The following ZDHHC5 variants were observed in gnomAD, a reference collection of about 807,000 sequenced individuals.
The protein encoded by ZDHHC5 is palmitoyltransferase ZDHHC5.
ZDHHC5 carries 22 observed loss-of-function variants against 70.0 expected under a neutral mutation model. The observed-to-expected ratio is 0.31, with a 90% CI of 0.22 to 0.45. The LOEUF is 0.45. Among genes scored for constraint, ZDHHC5 ranks in the 20% least tolerant of loss-of-function variants. The probability of loss-of-function intolerance (pLI) is 1.00; values close to 1 mark genes in which losing one functional copy is unlikely to be tolerated. For synonymous variants in ZDHHC5, 313 were observed against 347.8 expected (o/e 0.90, Z 1.11); for missense variants, 746 against 926.9 (o/e 0.80, Z 2.53).
At chr11:57,673,671 A>G (rs2135377698) in intron 2 of ZDHHC5, among the ~76,000 whole-genome samples, 1 of 152,278 alleles carries the variant, frequency 6.6e-6, no homozygotes, top group East Asian at 1.9e-4. Context: ...CCCAAGTTCA[A>G]GCGATTCTCC....
At chr11:57,698,099 C>T (rs1224191853) in intron 10 of ZDHHC5, among the ~76,000 whole-genome samples, 29 of 144,888 alleles carry the variant, frequency 2.0e-4, no homozygotes, top group Admixed American at 1.9e-3. Context: ...TGCACCATCA[C>T]GCTCCAGCCT....
chr11:57,678,221 T>TTGA (rs747205557), intron 2 of ZDHHC5, among the ~76,000 whole-genome samples: 7 of 152,150 alleles, frequency 4.6e-5, no homozygotes, highest in African/African-American at 7.2e-5. Flanking sequence ...GGTGGAATAA[T>TTGA]TGATGATGAT....
intron 6 of ZDHHC5, 131 bp downstream of exon 6, chr11:57,690,568 T>A (rs992650395): frequency 2.4e-5 from 24 of 983,324 alleles, no homozygotes; most frequent in Non-Finnish European, 3.4e-5. Flanking sequence ...TAGAGATTAA[T>A]GGTAGGGAGT....
chr11:57,685,519 C>T (rs1221270364), intron 3 of ZDHHC5, among the ~76,000 whole-genome samples: 3 of 151,490 alleles, frequency 2.0e-5, no homozygotes, highest in Non-Finnish European at 2.9e-5. Context: ...TGGTAGTGCA[C>T]GTGCCTGTAA....
chr11:57,668,316 G>T (rs1044540138), intron 1 of ZDHHC5, 129 bp downstream of exon 1: 3 of 238,058 alleles, frequency 1.3e-5, no homozygotes, highest in African/African-American at 6.8e-5. Context: ...TCTCCTCCGG[G>T]CCGGGTCTTC....
chr11:57,673,028 C>G lies in ZDHHC5; in HGVS notation c.-63C>G. 1 of 1,521,740 alleles carries G rather than the reference C, an allele frequency of 6.6e-7. No homozygotes were observed. The highest frequency in any genetic ancestry group is 9.1e-7 in the Non-Finnish European group (1 of 1,098,932). The allele number at this position is 1,521,740 out of a possible 1,614,324, so 94.3% of individuals were successfully genotyped here. ...TGCTTCCCTCCTCCCATTTTCTTGT[C>G]TGTTCTGCCGCTGTGTGGGCCTGGG... On this transcript the variant is annotated 5_prime_UTR_variant, in exon 2 of 12. Coordinates refer to ENST00000287169, the MANE Select transcript of ZDHHC5 (RefSeq NM_015457.3).
At chr11:57,675,417 A>G (rs1946059336) in intron 2 of ZDHHC5, among the ~76,000 whole-genome samples, 2 of 152,212 alleles carry the variant, frequency 1.3e-5, no homozygotes, top group African/African-American at 4.8e-5. Flanking sequence ...CTCAACTGAT[A>G]GTTGAAGCTG....
intron 2 of ZDHHC5, among the ~76,000 whole-genome samples, chr11:57,674,535 G>A (rs1946047110): frequency 1.3e-5 from 2 of 152,100 alleles, no homozygotes; most frequent in African/African-American, 4.8e-5. Flanking sequence ...GTGTTATTCA[G>A]AGCAACATGA....
chr11:57,691,744 CAT>C (rs1397463737), intron 6 of ZDHHC5, among the ~76,000 whole-genome samples: 4 of 151,088 alleles, frequency 2.6e-5, no homozygotes, highest in African/African-American at 7.3e-5. Context: ...TGTAGCAAGA[CAT>C]ATGTATATGT....
rs1454578154 is a variant in ZDHHC5, at chr11:57,699,014, A to T, written c.1578A>T (p.Arg526=). Residue 526 remains arginine (R), a synonymous_variant, in exon 11 of 12, where the codon CGA becomes CGT. Transcript: ENST00000287169. ...TGGTGCCAACTGGCCCAACACACCG[A>T]GAGCCCTCACCAGTCCGTTACGACA... The part of the protein sequence containing the change: ...PRLVPTGPTH[R]EPSPVRYDNL... 1.9e-6 allele frequency: 3 copies of T among 1,609,530 alleles called. No individual in the cohort carries two copies. Among genetic ancestry groups the T allele is most frequent in the Non-Finnish European group, 1.7e-6 (2 of 1,180,006 alleles).
Position 57,690,339 on chromosome 11 carries a change from G to T in ZDHHC5, c.562G>T (p.Ala188Ser), listed in dbSNP as rs1946266359. Reference sequence around the variant, plus strand: ...TCCTTGATTGTTTGGCATCAGAATGGCAGTAATGTGTGTGGCTGGCTTATT... The same window carrying T: ...TCCTTGATTGTTTGGCATCAGAATGTCAGTAATGTGTGTGGCTGGCTTATT... ...LSGVRTAVTMAVMCVAGLFFI... is the reference protein window; with the variant it reads ...LSGVRTAVTMSVMCVAGLFFI... Residue 188 changes from alanine to serine, a missense_variant, in exon 6 of 12, where the codon GCA (alanine) becomes TCA (serine). Physicochemically the swap from Ala to Ser is moderately conservative, Grantham distance 99. Transcript: ENST00000287169. 3 of 1,614,034 alleles carry T rather than the reference G, an allele frequency of 1.9e-6. No individual in the cohort carries two copies. The highest frequency in any genetic ancestry group is 2.5e-6 in the Non-Finnish European group (3 of 1,180,036).
intron 2 of ZDHHC5, among the ~76,000 whole-genome samples, chr11:57,676,296 C>G (rs1418658511): frequency 1.3e-5 from 2 of 152,166 alleles, no homozygotes; most frequent in Non-Finnish European, 2.9e-5. Context: ...CTGAATTTGT[C>G]CAGCACTAAA....
At chr11:57,685,281 G>A (rs928938651) in intron 3 of ZDHHC5, among the ~76,000 whole-genome samples, 2 of 152,210 alleles carry the variant, frequency 1.3e-5, no homozygotes, top group Non-Finnish European at 2.9e-5. Context: ...ATTTTAATGA[G>A]CCTTTAATGT....
intron 2 of ZDHHC5, among the ~76,000 whole-genome samples, chr11:57,682,005 A>T (rs1332930856): frequency 6.6e-6 from 1 of 152,230 alleles, no homozygotes; most frequent in Non-Finnish European, 1.5e-5. Flanking sequence ...GCCAATGTGC[A>T]GGTCAATGGG....
chr11:57,695,311 T>C (rs1370566540), intron 8 of ZDHHC5, among the ~76,000 whole-genome samples: 2 of 152,036 alleles, frequency 1.3e-5, no homozygotes, highest in Non-Finnish European at 2.9e-5. Context: ...TCCTAGCTGC[T>C]TGGGAGGCTG....
In ZDHHC5 at chr11:57,672,485, G is replaced by T; in HGVS notation, c.-606G>T. ...GGCATTGAGAAGACTACCTAAAAGA[G>T]ACAAAGACTGCAGTAAACAAAGCTC... On this transcript the variant is annotated 5_prime_UTR_variant, in exon 2 of 12. Transcript: ENST00000287169. 2.7e-6 allele frequency: 1 copy of T among 366,692 alleles called. No individual in the cohort carries two copies. The highest frequency in any genetic ancestry group is 4.8e-6 in the Non-Finnish European group (1 of 206,548). 22.7% of individuals were successfully genotyped at this position (366,692 alleles called of 1,614,324 possible).
rs1308086485 is a variant in ZDHHC5, at chr11:57,699,148, T to C, written c.1712T>C (p.Ile571Thr). 19 of 1,614,136 alleles carry C rather than the reference T, an allele frequency of 1.2e-5. No homozygotes were observed. The highest frequency in any genetic ancestry group is 1.4e-5 in the Non-Finnish European group (16 of 1,180,052). The stretch of plus-strand genomic sequence containing the variant: ...GAACCAGGCTTGGGGGACTCAGGCA[T>C]TCAGTCAACACCAGGCTCGGGCCAT... ...EEEPGLGDSG[I>T]QSTPGSGHAP... Residue 571 changes from isoleucine to threonine, a missense_variant, in exon 11 of 12, where the codon ATT becomes ACT. Ile to Thr is a moderately conservative substitution (Grantham distance 89). Transcript: ENST00000287169.
At chr11:57,699,825 G>T in intron 11 of ZDHHC5, 41 bp from the exon 12 acceptor site, 2 of 1,612,722 alleles carry the variant, frequency 1.2e-6, no homozygotes, top group Non-Finnish European at 8.5e-7. Flanking sequence ...AATGTTTTCT[G>T]TCCCATTTCC....
chr11:57,700,098 C>T lies in ZDHHC5; in HGVS notation c.*67C>T. 6.7e-7 allele frequency: 1 copy of T among 1,503,198 alleles called. No individual in the cohort carries two copies. Among genetic ancestry groups the T allele is most frequent in the Non-Finnish European group, 8.9e-7 (1 of 1,127,736 alleles). 93.1% of individuals were successfully genotyped at this position (1,503,198 alleles called of 1,614,324 possible). On this transcript the variant is annotated 3_prime_UTR_variant, in exon 12 of 12. Transcript: ENST00000287169. ...CAAAGGGCCCCAGGTGGCCACCTTC[C>T]TTCCCTCAAGGGGCTCCCCTCCCGT... is the stretch of plus-strand genomic sequence containing the variant.
Sources: allele counts gnomAD v4.1 joint callset (sites outside exome capture counted in the v4.1 genomes callset), GRCh38; gene constraint gnomAD v4.1.1; transcripts MANE v1.5; gene names NCBI Gene and HGNC (gene_info 2026-07-23, HGNC 2026-07-21).